The following SEZ6L variants were observed in gnomAD, a reference collection of about 807,000 sequenced individuals.
SEZ6L encodes the protein seizure 6-like protein.
A neutral mutation model predicts 106.2 loss-of-function variants in SEZ6L; 37 were observed. The ratio of observed to expected loss-of-function variants is 0.35; its 90% CI spans 0.27 to 0.46. SEZ6L has a LOEUF of 0.46. SEZ6L is among the 20% of genes least tolerant of loss of function. SEZ6L has a pLI of 1.00. For synonymous variants in SEZ6L, 541 were observed against 570.4 expected (o/e 0.95, Z 0.73); for missense variants, 1,172 against 1,332.8 (o/e 0.88, Z 1.88).
chr22:26,222,495 G>C (rs1315859434), intron 1 of SEZ6L, among the ~76,000 whole-genome samples: 1 of 152,090 alleles, frequency 6.6e-6, no homozygotes, highest in African/African-American at 2.4e-5. Context: ...CAGCATTATT[G>C]AGCCCTTCTT....
intron 9 of SEZ6L, among the ~76,000 whole-genome samples, chr22:26,331,422 A>C (rs2082477089): frequency 6.6e-6 from 1 of 152,200 alleles, no homozygotes; most frequent in African/African-American, 2.4e-5. Context: ...CTTCCCCAGC[A>C]AACAGCCCCC....
In SEZ6L at chr22:26,292,494, C is replaced by A. The variant is rs1184538541; in HGVS notation, c.183C>A (p.His61Gln). The A allele has an allele frequency of 1.9e-6, 3 of 1,614,004 alleles. No homozygotes were observed. The South Asian group carries it at 3.3e-5, about 18-fold the overall frequency. ...APERGSPGKE[H>Q]PEERVVTAPP... Reference sequence around the variant, plus strand: ...AGAGAGGCAGTCCTGGCAAAGAGCACCCTGAAGAGAGAGTGGTAACAGCGC... The same window carrying A: ...AGAGAGGCAGTCCTGGCAAAGAGCAACCTGAAGAGAGAGTGGTAACAGCGC... Residue 61 changes from histidine (H) to glutamine (Q), a missense_variant, in exon 2 of 17, where the codon CAC becomes CAA. Around this residue, in one of 4 missense-constraint regions of SEZ6L, gnomAD observed 494 missense variants for 445.8 expected, o/e 1.11. Coordinates refer to ENST00000248933, the MANE Select transcript of SEZ6L (RefSeq NM_021115.5).
At chr22:26,215,254 G>A (rs1339417370) in intron 1 of SEZ6L, among the ~76,000 whole-genome samples, 1 of 152,186 alleles carries the variant, frequency 6.6e-6, no homozygotes, top group African/African-American at 2.4e-5. Context: ...AGGTTCACTA[G>A]GTATATGGGC....
At chr22:26,287,221 G>C (rs1182109674) in intron 1 of SEZ6L, among the ~76,000 whole-genome samples, 3 of 152,144 alleles carry the variant, frequency 2.0e-5, no homozygotes, top group Non-Finnish European at 4.4e-5. Context: ...TGTCCTTTGG[G>C]GGAAGAGCAA....
chr22:26,263,877 CT>C (rs1346098152), intron 1 of SEZ6L, among the ~76,000 whole-genome samples: 1 of 152,184 alleles, frequency 6.6e-6, no homozygotes, highest in Non-Finnish European at 1.5e-5. Flanking sequence ...TCTTGTTCAC[CT>C]TTTAGTCCCC....
rs1435361666 is a variant in SEZ6L at position 26,364,245 on chromosome 22, C to T, written c.2600-1127C>T. 2.6e-5 allele frequency among the ~76,000 whole-genome samples: 4 copies of T among 152,136 alleles called. No individual in the cohort carries two copies. The Middle Eastern group carries it at 0.01, about 388-fold the overall frequency. ...GAAGCAATTTGCTGGCTGTCCATTC[C>T]ATCCAGGTGCTGAAAAAGGACTAGA... On this transcript the variant is annotated intron_variant, in intron 12 of 16. Transcript: ENST00000248933.
chr22:26,235,644 T>C (rs1027233922), intron 1 of SEZ6L, among the ~76,000 whole-genome samples: 9 of 152,232 alleles, frequency 5.9e-5, no homozygotes, highest in Middle Eastern at 3.4e-3. Context: ...GAAGGCATTC[T>C]AGGCCAAGGA....
intron 12 of SEZ6L, among the ~76,000 whole-genome samples, chr22:26,361,681 T>C (rs916153174): frequency 5.3e-5 from 8 of 152,108 alleles, no homozygotes; most frequent in Non-Finnish European, 1.2e-4. Context: ...TAACAACACC[T>C]TGAGACAGCC....
At chr22:26,171,251 G>A (rs1938586105) in intron 1 of SEZ6L, among the ~76,000 whole-genome samples, 1 of 152,160 alleles carries the variant, frequency 6.6e-6, no homozygotes, top group South Asian at 2.1e-4. Context: ...CAGTTTCTCT[G>A]GGAAAGATAG....
At chr22:26,304,028 G>A (rs1469496511) in intron 5 of SEZ6L, among the ~76,000 whole-genome samples, 1 of 152,122 alleles carries the variant, frequency 6.6e-6, no homozygotes, top group African/African-American at 2.4e-5. Context: ...CGCTCTGTGA[G>A]AAGCATCTGC....
intron 1 of SEZ6L, among the ~76,000 whole-genome samples, chr22:26,229,155 C>A (rs896165052): frequency 5.9e-5 from 9 of 152,268 alleles, no homozygotes; most frequent in African/African-American, 2.2e-4. Flanking sequence ...CGCCACCACA[C>A]CTGGATAATT....
chr22:26,342,959 G>A (rs2082890091), intron 10 of SEZ6L, among the ~76,000 whole-genome samples: 1 of 152,104 alleles, frequency 6.6e-6, no homozygotes, highest in Admixed American at 6.5e-5. Context: ...ATCCCTGCCT[G>A]CTACATGTCC....
chr22:26,314,962 G>T (rs1001385087), intron 9 of SEZ6L, among the ~76,000 whole-genome samples: 2 of 152,154 alleles, frequency 1.3e-5, no homozygotes, highest in African/African-American at 2.4e-5. Flanking sequence ...GTGAGAAGTG[G>T]ACAAAGACAG....
At chr22:26,321,116 T>G (rs1601493257) in intron 9 of SEZ6L, among the ~76,000 whole-genome samples, 2 of 152,194 alleles carry the variant, frequency 1.3e-5, no homozygotes, top group South Asian at 4.1e-4. Flanking sequence ...TCCATGATAT[T>G]TAATATTTGC....
At chr22:26,230,447 C>T (rs749239477) in intron 1 of SEZ6L, among the ~76,000 whole-genome samples, 31 of 152,192 alleles carry the variant, frequency 2.0e-4, no homozygotes, top group Non-Finnish European at 2.8e-4. Context: ...ACTAACTCTG[C>T]GCCAGGCACA....
At chr22:26,332,607 C>T (rs746979625) in intron 9 of SEZ6L, among the ~76,000 whole-genome samples, 14 of 152,058 alleles carry the variant, frequency 9.2e-5, no homozygotes, top group African/African-American at 2.7e-4. Context: ...CCACCGTGCC[C>T]GGCTAATGTT....
At chr22:26,270,991 C>T (rs2080346484) in intron 1 of SEZ6L, among the ~76,000 whole-genome samples, 1 of 152,132 alleles carries the variant, frequency 6.6e-6, no homozygotes, top group Admixed American at 6.5e-5. Context: ...CACTAATGAT[C>T]CAGATACAAA....
chr22:26,367,597 G>A (rs894876479), intron 13 of SEZ6L, among the ~76,000 whole-genome samples: 3 of 152,054 alleles, frequency 2.0e-5, no homozygotes, highest in Non-Finnish European at 2.9e-5. Flanking sequence ...TCCCACCTCG[G>A]CCTCCCAAAG....
chr22:26,373,552 T>C, intron 14 of SEZ6L, 69 bp downstream of exon 14: 1 of 1,159,164 alleles, frequency 8.6e-7, no homozygotes, highest in Non-Finnish European at 1.3e-6. Flanking sequence ...AGGGCAGGTC[T>C]TTGAATATCT....
Sources: gnomAD v4.1 joint callset for allele counts (sites outside exome capture counted in the v4.1 genomes callset) on GRCh38, gnomAD v4.1.1 for gene constraint, gnomAD v4.1.1 regional missense constraint, MANE v1.5 for transcripts, NCBI Gene and HGNC (gene_info 2026-07-23, HGNC 2026-07-21) for gene names.